The following SLC4A10 variants were observed in gnomAD, a reference collection of about 807,000 sequenced individuals.
SLC4A10 encodes the protein sodium-driven chloride bicarbonate exchanger.
Under a neutral mutation model 137.7 loss-of-function variants are expected in SLC4A10, and 42 were observed. That is an observed-to-expected ratio of 0.30 (90% CI 0.24 to 0.39). SLC4A10 has a LOEUF of 0.39. Ranked by LOEUF, SLC4A10 falls within the 10% of genes least tolerant of loss-of-function variation. The pLI is 1.00. For missense variants in SLC4A10, 925 were observed against 1,355.0 expected (o/e 0.68, Z 4.98); for synonymous variants, 474 against 464.1 (o/e 1.02, Z -0.27).
intron 12 of SLC4A10, among the ~76,000 whole-genome samples, chr2:161,901,740 C>T (rs1683160036): frequency 6.6e-6 from 1 of 152,038 alleles, no homozygotes; most frequent in Non-Finnish European, 1.5e-5. Flanking sequence ...TTCCTGAGCA[C>T]TCTGCATTTT....
intron 1 of SLC4A10, 104 bp downstream of exon 1, chr2:161,624,670 G>T: frequency 6.8e-7 from 1 of 1,472,524 alleles, no homozygotes. Context: ...TTGGGGTGGT[G>T]GATAGCTCCT....
intron 1 of SLC4A10, among the ~76,000 whole-genome samples, chr2:161,667,408 T>C (rs532498534): frequency 6.6e-6 from 1 of 151,780 alleles, no homozygotes; most frequent in African/African-American, 2.4e-5. Flanking sequence ...TAGTTAATAA[T>C]TGCAATAAAG....
At chr2:161,958,407 CT>C in intron 20 of SLC4A10, 79 bp from the exon 21 acceptor site, 1 of 1,200,054 alleles carries the variant, frequency 8.3e-7, no homozygotes, top group Non-Finnish European at 1.2e-6. Flanking sequence ...CCTTTTTTCC[CT>C]GTTTTTTTCT....
chr2:161,977,873 G>A lies in SLC4A10; in HGVS notation c.*26+113G>A, dbSNP rs949495076. The A allele has an allele frequency of 2.1e-5, 19 of 893,346 alleles. No homozygotes were observed. The African/African-American group carries it at 2.6e-4, about 12-fold the overall frequency. The allele number at this position is 893,346 out of a possible 1,614,324, so 55.3% of individuals were successfully genotyped here. ...CTGTGTGAGTTTTGGGGAGGCAAAA[G>A]GCATGGAGAGTGTTGGGCTCAGATC... On this transcript the variant is annotated intron_variant, in intron 26 of 26. Transcript: ENST00000446997.
chr2:161,766,552 T>C (rs533919719), intron 1 of SLC4A10, among the ~76,000 whole-genome samples: 71 of 152,140 alleles, frequency 4.7e-4, no homozygotes, highest in Non-Finnish European at 9.3e-4. Flanking sequence ...ATACATGACT[T>C]AGCTTTTGGC....
At chr2:161,637,157 A>T (rs1436796789) in intron 1 of SLC4A10, among the ~76,000 whole-genome samples, 1 of 148,696 alleles carries the variant, frequency 6.7e-6, no homozygotes, top group African/African-American at 2.5e-5. Flanking sequence ...ATATAGATAT[A>T]TACGTATATA....
At chr2:161,907,545 A>G (rs1170853633) in intron 15 of SLC4A10, among the ~76,000 whole-genome samples, 1 of 152,222 alleles carries the variant, frequency 6.6e-6, no homozygotes, top group Non-Finnish European at 1.5e-5. Flanking sequence ...AGATAAACAG[A>G]CAGCATAAGG....
At chr2:161,850,363 C>G (rs1372375976) in intron 4 of SLC4A10, among the ~76,000 whole-genome samples, 1 of 152,012 alleles carries the variant, frequency 6.6e-6, no homozygotes, top group Admixed American at 6.6e-5. Context: ...GCACTCCAGT[C>G]TGGGTGACAG....
At chr2:161,874,030 T>C in intron 8 of SLC4A10, 25 bp downstream of exon 8, 1 of 1,563,786 alleles carries the variant, frequency 6.4e-7, no homozygotes, top group South Asian at 1.2e-5. Context: ...GGGCTCTATT[T>C]CTACAGTGGT....
chr2:161,889,891 T>A (rs572139647), intron 10 of SLC4A10, among the ~76,000 whole-genome samples: 1 of 152,318 alleles, frequency 6.6e-6, no homozygotes, highest in African/African-American at 2.4e-5. Context: ...GGGTGTCAAT[T>A]TTAGATCTTT....
chr2:161,862,557 G>A (rs2060491763), intron 5 of SLC4A10, among the ~76,000 whole-genome samples: 1 of 152,064 alleles, frequency 6.6e-6, no homozygotes. Context: ...TCCCATCAGT[G>A]TGGATAATAA....
At chr2:161,910,611 A>G (rs1685591263) in intron 15 of SLC4A10, among the ~76,000 whole-genome samples, 1 of 152,160 alleles carries the variant, frequency 6.6e-6, no homozygotes, top group African/African-American at 2.4e-5. Flanking sequence ...AGCAGTGTGT[A>G]GGGTCTGATT....
chr2:161,885,237 T>C (rs779753656), intron 10 of SLC4A10, among the ~76,000 whole-genome samples: 2 of 152,026 alleles, frequency 1.3e-5, no homozygotes, highest in Non-Finnish European at 2.9e-5. Flanking sequence ...AGAACAATTG[T>C]ACTCATTAAG....
At chr2:161,864,301 A>G (rs2125896842) in intron 6 of SLC4A10, among the ~76,000 whole-genome samples, 1 of 152,356 alleles carries the variant, frequency 6.6e-6, no homozygotes, top group South Asian at 2.1e-4. Flanking sequence ...ATGAAAGCAC[A>G]TGTAATGACA....
intron 1 of SLC4A10, among the ~76,000 whole-genome samples, chr2:161,650,246 A>G (rs1376862862): frequency 6.6e-6 from 1 of 152,236 alleles, no homozygotes; most frequent in Non-Finnish European, 1.5e-5. Flanking sequence ...GACTTGTATG[A>G]TGTTTTCTGC....
At position 161,648,640 on chromosome 2, in the gene SLC4A10, C is replaced by T. The variant is rs144953784; in HGVS notation, c.48+24074C>T. 4.3e-4 allele frequency among the ~76,000 whole-genome samples: 66 copies of T among 152,316 alleles called. 2 individuals are homozygous for T. In the East Asian group the frequency reaches 0.013, roughly 29 times the overall value. ...CTCCTCCAATTTTCCCAGAATTAAC[C>T]ACTGTTTCAGTTTGGTGACTATGCT... On this transcript the variant is annotated intron_variant, in intron 1 of 26. Transcript: ENST00000446997.
At chr2:161,930,562 T>G (rs1690163585) in intron 15 of SLC4A10, among the ~76,000 whole-genome samples, 1 of 150,200 alleles carries the variant, frequency 6.7e-6, no homozygotes. Flanking sequence ...TATAATTATA[T>G]TAATTAGTTA....
At chr2:161,811,509 A>T (rs1476382581) in intron 3 of SLC4A10, among the ~76,000 whole-genome samples, 1 of 152,064 alleles carries the variant, frequency 6.6e-6, no homozygotes, top group Non-Finnish European at 1.5e-5. Flanking sequence ...GCAGATTGTA[A>T]CCATTATGAA....
At chr2:161,911,713 G>A (rs1468422618) in intron 15 of SLC4A10, among the ~76,000 whole-genome samples, 1 of 151,984 alleles carries the variant, frequency 6.6e-6, no homozygotes, top group Admixed American at 6.6e-5. Flanking sequence ...TGTACCTACT[G>A]TACCTAGCAA....
Sources: gnomAD v4.1 joint callset for allele counts (sites outside exome capture counted in the v4.1 genomes callset) on GRCh38, gnomAD v4.1.1 for gene constraint, MANE v1.5 for transcripts, NCBI Gene and HGNC (gene_info 2026-07-23, HGNC 2026-07-21) for gene names.